Variants in VSTM4 observed in about 807,000 individuals in gnomAD.
VSTM4 encodes V-set and transmembrane domain containing 4, also known as V-set and transmembrane domain-containing protein 4.
A neutral mutation model predicts 36.4 loss-of-function variants in VSTM4; 20 were observed. That is an observed-to-expected ratio of 0.55 (90% CI 0.39 to 0.80). VSTM4 has a LOEUF of 0.80. VSTM4 is among the 30% of genes least tolerant of loss of function. The pLI is 0.00. For synonymous variants in VSTM4, 182 were observed against 173.9 expected (o/e 1.05, Z -0.37); for missense variants, 392 against 404.5 (o/e 0.97, Z 0.26).
intron 5 of VSTM4, among the ~76,000 whole-genome samples, chr10:49,052,253 T>C (rs1267662710): frequency 6.6e-6 from 1 of 152,184 alleles, no homozygotes; most frequent in Non-Finnish European, 1.5e-5. Context: ...TGAGAATACC[T>C]ACGTCACCCT....
At chr10:49,098,380 T>A (rs1844610850) in intron 2 of VSTM4, among the ~76,000 whole-genome samples, 1 of 152,198 alleles carries the variant, frequency 6.6e-6, no homozygotes, top group Admixed American at 6.5e-5. Flanking sequence ...CTGGGTGTCA[T>A]CCCAAAGCTC....
chr10:49,105,198 GGAGAGACA>G (rs1414921274), intron 2 of VSTM4, among the ~76,000 whole-genome samples: 5 of 73,582 alleles, frequency 6.8e-5, no homozygotes, highest in South Asian at 5.4e-4. Context: ...AGAGAGAGAG[GGAGAGACA>G]GAGAGACAGA....
intron 7 of VSTM4, among the ~76,000 whole-genome samples, chr10:49,024,079 G>A (rs1016193127): frequency 6.6e-5 from 10 of 152,198 alleles, no homozygotes; most frequent in African/African-American, 2.4e-4. Context: ...AAATATGTGA[G>A]AAGCAACTCG....
At chr10:49,024,419 G>A (rs754797494) in intron 7 of VSTM4, among the ~76,000 whole-genome samples, 4 of 152,144 alleles carry the variant, frequency 2.6e-5, no homozygotes, top group Admixed American at 6.6e-5. Flanking sequence ...TGCAATAAAG[G>A]GAAATTCTTC....
rs1421203907 is a variant in VSTM4, at chr10:49,064,709, T to C, written c.662A>G (p.Gln221Arg). 1 of 1,612,558 alleles carries C rather than the reference T, an allele frequency of 6.2e-7. No individual in the cohort carries two copies. Among genetic ancestry groups the C allele is most frequent in the African/African-American group, 1.3e-5 (1 of 74,814 alleles). ...AGGAAGAAAATATTCTTACCTGTTC[T>C]GAGGGCATTTCACCAAATAATGTCT... ...RVRHYLVKCP[Q>R]NSSGETVTSV... is the part of the protein sequence containing the mutation. Residue 221 changes from glutamine to arginine, a missense_variant, in exon 5 of 8, where the codon CAG becomes CGG. By Grantham distance (43) the Gln-to-Arg change is conservative. Transcript: ENST00000332853.
rs199989484 is a variant in VSTM4, at chr10:49,054,254, G to A, written c.669-5670C>T. Among the ~76,000 whole-genome samples, 4 of 152,362 alleles carry A rather than the reference G, an allele frequency of 2.6e-5. No individual in the cohort carries two copies. The East Asian group carries it at 5.8e-4, about 22-fold the overall frequency. ...CAAGGTCAATAGAGCCAGAGCCACA[G>A]TGGCTACTCCCAGTTTAAACCATCT... On this transcript the variant is annotated intron_variant, in intron 5 of 7. Transcript: ENST00000332853.
At chr10:49,056,555 C>T (rs1843783146) in intron 5 of VSTM4, among the ~76,000 whole-genome samples, 1 of 152,238 alleles carries the variant, frequency 6.6e-6, no homozygotes, top group Admixed American at 6.5e-5. Context: ...TGGATGGATG[C>T]ATGTGGGCTG....
intron 2 of VSTM4, among the ~76,000 whole-genome samples, chr10:49,107,159 A>G (rs1216849334): frequency 6.6e-6 from 1 of 152,098 alleles, no homozygotes; most frequent in African/African-American, 2.4e-5. Flanking sequence ...TTTTAAAACA[A>G]CCAGTCATGT....
chr10:49,041,393 G>A (rs1317293323), intron 7 of VSTM4, among the ~76,000 whole-genome samples: 2 of 152,086 alleles, frequency 1.3e-5, no homozygotes, highest in Non-Finnish European at 2.9e-5. Flanking sequence ...AACTATTATT[G>A]AGAATACTTC....
rs1843104125 is a variant in VSTM4 at position 49,016,307 on chromosome 10, T to G, written c.*3343A>C. On this transcript the variant is annotated 3_prime_UTR_variant, in exon 8 of 8. Coordinates refer to ENST00000332853, the MANE Select transcript of VSTM4 (RefSeq NM_001031746.5). The stretch of plus-strand genomic sequence containing the variant: ...TAGGGACTTGGGTAGAGTCCTGCCC[T>G]TCCAGGACATTCTCCTCCCTGCTGC... The G allele has an allele frequency of 6.6e-6, 1 of 152,222 alleles. No homozygotes were observed. Among genetic ancestry groups the G allele is most frequent in the Non-Finnish European group, 1.5e-5 (1 of 68,056 alleles). The allele number at this position is 152,222 out of a possible 1,614,324, so 9.4% of individuals were successfully genotyped here.
At chr10:49,070,649 T>A (rs193187026) in intron 4 of VSTM4, among the ~76,000 whole-genome samples, 154 of 152,296 alleles carry the variant, frequency 1.0e-3, no homozygotes, top group African/African-American at 3.7e-3. Context: ...TTCATTCCAA[T>A]GTTAGAGAAG....
At chr10:49,110,126 C>CA (rs1439123765) in intron 1 of VSTM4, among the ~76,000 whole-genome samples, 3 of 152,222 alleles carry the variant, frequency 2.0e-5, no homozygotes, top group Non-Finnish European at 4.4e-5. Context: ...ACCCCGCCCT[C>CA]AAGAGCTTCC....
chr10:49,020,522 GATA>G, intron 7 of VSTM4, among the ~76,000 whole-genome samples: 1 of 150,964 alleles, frequency 6.6e-6, no homozygotes, highest in Non-Finnish European at 1.5e-5. Context: ...TAAAAAATAA[GATA>G]AGAGACATAA....
At chr10:49,105,209 GAGAC>G (rs1392690570) in intron 2 of VSTM4, among the ~76,000 whole-genome samples, 1 of 110,732 alleles carries the variant, frequency 9.0e-6, no homozygotes, top group Non-Finnish European at 2.0e-5. Flanking sequence ...GAGAGACAGA[GAGAC>G]AGAGAGAGAG....
intron 3 of VSTM4, among the ~76,000 whole-genome samples, chr10:49,084,579 A>G (rs1005900282): frequency 2.6e-5 from 4 of 152,206 alleles, no homozygotes; most frequent in African/African-American, 9.6e-5. Context: ...AGATCATACA[A>G]TGGGTTAACA....
chr10:49,038,139 T>G (rs1185943821), intron 7 of VSTM4, among the ~76,000 whole-genome samples: 1 of 152,036 alleles, frequency 6.6e-6, no homozygotes, highest in Non-Finnish European at 1.5e-5. Flanking sequence ...AAGCAAGAAC[T>G]CAAACAGATA....
chr10:49,107,876 C>A lies in VSTM4; in HGVS notation c.175G>T (p.Ala59Ser). Residue 59 changes from alanine to serine, a missense_variant, in exon 2 of 8, where the codon GCC becomes TCC. Coordinates refer to ENST00000332853, the MANE Select transcript of VSTM4 (RefSeq NM_001031746.5). ...GAGTGTGCAAAGAACCAGCGCACGG[C>A]CAGCAAGCTGTCCTTCCGCCTTTTC... is the stretch of plus-strand genomic sequence containing the variant. The part of the protein sequence containing the change: ...SQKRRKDSLL[A>S]VRWFFAHSFD... 6.2e-7 allele frequency: 1 copy of A among 1,614,230 alleles called. No homozygotes were observed. Among genetic ancestry groups the A allele is most frequent in the African/African-American group, 1.3e-5 (1 of 75,076 alleles).
At chr10:49,021,578 A>G (rs993824246) in intron 7 of VSTM4, among the ~76,000 whole-genome samples, 1 of 152,248 alleles carries the variant, frequency 6.6e-6, no homozygotes, top group Non-Finnish European at 1.5e-5. Flanking sequence ...TTCATGGGAA[A>G]GAAAAATGCA....
rs1254633931 is a variant in VSTM4 at position 49,014,517 on chromosome 10, C to T, written c.*5133G>A. 3 of 108,498 alleles carry T rather than the reference C, an allele frequency of 2.8e-5. No individual in the cohort carries two copies. Among genetic ancestry groups the T allele is most frequent in the Non-Finnish European group, 5.8e-5 (3 of 51,312 alleles). 6.7% of individuals were successfully genotyped at this position (108,498 alleles called of 1,614,324 possible). A position where few individuals can be genotyped will look rare whatever the true frequency, so the allele number is the denominator to read the frequency against. ...AGAGTCTTGTCCAAATCCCCACCCC[C>T]TGAGAAGATGAGGATTGCTCTGGGG... is the stretch of plus-strand genomic sequence containing the variant. On this transcript the variant is annotated 3_prime_UTR_variant, in exon 8 of 8. Coordinates refer to ENST00000332853, the MANE Select transcript of VSTM4 (RefSeq NM_001031746.5).
Sources: gnomAD v4.1 joint callset for allele counts (sites outside exome capture counted in the v4.1 genomes callset) on GRCh38, gnomAD v4.1.1 for gene constraint, MANE v1.5 for transcripts, NCBI Gene and HGNC (gene_info 2026-07-23, HGNC 2026-07-21) for gene names.